The following LIMS1 variants were observed in gnomAD, a reference collection of about 807,000 sequenced individuals.
The protein encoded by LIMS1 is LIM and senescent cell antigen-like-containing domain protein 1.
A neutral mutation model predicts 44.1 loss-of-function variants in LIMS1; 18 were observed. The ratio of observed to expected loss-of-function variants is 0.41; its 90% CI spans 0.28 to 0.61. The LOEUF is 0.61. Among genes scored for constraint, LIMS1 ranks in the 20% least tolerant of loss-of-function variants. LIMS1 has a pLI of 0.32. For synonymous variants in LIMS1, 93 were observed against 149.1 expected (o/e 0.62, Z 2.74); for missense variants, 201 against 422.0 (o/e 0.48, Z 4.59).
At chr2:108,578,405 T>G (rs552512047) in intron 1 of LIMS1, among the ~76,000 whole-genome samples, 1 of 152,264 alleles carries the variant, frequency 6.6e-6, no homozygotes, top group African/African-American at 2.4e-5. Flanking sequence ...AGCACTTATT[T>G]TGAAGTAGTT....
At chr2:108,542,150 T>A (rs1684337316) in intron 1 of LIMS1, among the ~76,000 whole-genome samples, 1 of 152,202 alleles carries the variant, frequency 6.6e-6, no homozygotes, top group South Asian at 2.1e-4. Flanking sequence ...AAACTTTGAG[T>A]AAAACAGGAT....
At chr2:108,569,890 T>C (rs1180928523) in intron 1 of LIMS1, among the ~76,000 whole-genome samples, 2 of 150,578 alleles carry the variant, frequency 1.3e-5, no homozygotes, top group Non-Finnish European at 3.0e-5. Flanking sequence ...CATGAGCCAC[T>C]GTGCTCAGCC....
chr2:108,641,816 A>G (rs779503671), intron 1 of LIMS1, among the ~76,000 whole-genome samples: 1 of 152,148 alleles, frequency 6.6e-6, no homozygotes, highest in Admixed American at 6.5e-5. Flanking sequence ...TTTCTGGCCA[A>G]ACTTTGTCTG....
intron 1 of LIMS1, among the ~76,000 whole-genome samples, chr2:108,560,644 A>G (rs538347118): frequency 2.6e-4 from 40 of 152,092 alleles, no homozygotes; most frequent in Non-Finnish European, 4.4e-4. Flanking sequence ...CACTTAGAAT[A>G]TAAATGTCTC....
intron 1 of LIMS1, among the ~76,000 whole-genome samples, chr2:108,657,519 C>T (rs1276813161): frequency 6.6e-6 from 1 of 152,292 alleles, no homozygotes; most frequent in African/African-American, 2.4e-5. Context: ...TACCTGTGGA[C>T]TTTGGTCAGA....
chr2:108,622,889 T>C (rs145948843), intron 1 of LIMS1, among the ~76,000 whole-genome samples: 1,832 of 151,716 alleles, frequency 0.012, 44 homozygotes, highest in African/African-American at 0.043. Context: ...TTTCAGACAA[T>C]AGCCAAAGTA....
At chr2:108,645,385 G>C (rs1485050819) in intron 1 of LIMS1, among the ~76,000 whole-genome samples, 3 of 152,082 alleles carry the variant, frequency 2.0e-5, no homozygotes, top group Non-Finnish European at 4.4e-5. Context: ...TTCATATCCA[G>C]CCAAACAAAG....
chr2:108,600,715 G>C, intron 1 of LIMS1, among the ~76,000 whole-genome samples: 1 of 152,150 alleles, frequency 6.6e-6, no homozygotes, highest in East Asian at 1.9e-4. Flanking sequence ...TCTCTATTCC[G>C]TTCCATTGGT....
In LIMS1 at chr2:108,683,866, T is replaced by C. The variant is rs776804156; in HGVS notation, c.900-19T>C. Reference sequence around the variant, plus strand: ...ATGTTTCCACTAACTTCTTTTTTTTTATAATTTTTTGTCTTTAGGAATAAG... The same window carrying C: ...ATGTTTCCACTAACTTCTTTTTTTTCATAATTTTTTGTCTTTAGGAATAAG... On this transcript the variant is annotated intron_variant, in intron 9 of 9. Coordinates refer to ENST00000544547, the Ensembl canonical transcript of LIMS1. The C allele has an allele frequency of 1.5e-6, 2 of 1,330,546 alleles. No individual in the cohort carries two copies. The highest frequency in any genetic ancestry group is 2.2e-5 in the Admixed American group (1 of 44,674). The allele number at this position is 1,330,546 out of a possible 1,614,324, so 82.4% of individuals were successfully genotyped here. A position where few individuals can be genotyped will look rare whatever the true frequency, so the allele number is the denominator to read the frequency against.
chr2:108,607,256 G>A (rs1234581122), intron 1 of LIMS1: 5 of 1,550,958 alleles, frequency 3.2e-6, no homozygotes, highest in Non-Finnish European at 4.4e-6. Flanking sequence ...ACATGACATG[G>A]TGAGTGCTGC....
In LIMS1 at chr2:108,560,777, G is replaced by C. The variant is rs72948754; in HGVS notation, c.32+26183G>C. On this transcript the variant is annotated intron_variant, in intron 1 of 9. Coordinates refer to ENST00000544547, the Ensembl canonical transcript of LIMS1. The stretch of plus-strand genomic sequence containing the variant: ...ACCATGGCAAGAGTTTTTCTGTTTT[G>C]TTCATCGTATCCACAACAGCTGGAA... Among the ~76,000 whole-genome samples the C allele has an allele frequency of 4.9e-3, 745 of 152,078 alleles. 7 individuals are homozygous for C. The highest frequency in any genetic ancestry group is 0.014 in the African/African-American group (600 of 41,478).
chr2:108,664,751 T>C (rs1473132376), intron 2 of LIMS1, among the ~76,000 whole-genome samples: 10 of 152,144 alleles, frequency 6.6e-5, no homozygotes, highest in South Asian at 4.1e-4. Context: ...CAGCTCATTA[T>C]AGCAGAAGTT....
intron 2 of LIMS1, among the ~76,000 whole-genome samples, chr2:108,665,108 G>A (rs1490155743): frequency 6.6e-6 from 1 of 152,178 alleles, no homozygotes; most frequent in Non-Finnish European, 1.5e-5. Context: ...TAGGAACTGT[G>A]TTGGATATTC....
Position 108,564,041 on chromosome 2 carries a change from C to CAA in LIMS1, c.32+29467_32+29468dup, listed in dbSNP as rs201454363. Among the ~76,000 whole-genome samples the CAA allele has an allele frequency of 5.0e-3, 456 of 92,004 alleles. 6 individuals carry two copies. Among genetic ancestry groups the CAA allele is most frequent in the East Asian group, 0.024 (77 of 3,248 alleles). The allele number at this position is 92,004 out of a possible 152,430, so 60.4% of individuals were successfully genotyped here. The stretch of plus-strand genomic sequence containing the variant: ...TGGGTGACAGGCCAAGACCCTGTCT[C>CAA]AAAAAAAAAAAAAAAAAAAAAGGAA... On this transcript the variant is annotated intron_variant, in intron 1 of 9. Transcript: ENST00000544547.
At chr2:108,639,443 T>C (rs1689512483) in intron 1 of LIMS1, among the ~76,000 whole-genome samples, 1 of 152,212 alleles carries the variant, frequency 6.6e-6, no homozygotes, top group Admixed American at 6.5e-5. Flanking sequence ...ATATCATATA[T>C]GTGTACATGT....
intron 1 of LIMS1, among the ~76,000 whole-genome samples, chr2:108,579,490 A>G (rs1685806663): frequency 6.6e-6 from 1 of 152,258 alleles, no homozygotes; most frequent in Admixed American, 6.5e-5. Context: ...TAAGTGCACA[A>G]CTTAGGAATT....
intron 8 of LIMS1, chr2:108,678,723 T>A (rs1019387874): frequency 6.6e-6 from 1 of 152,316 alleles, no homozygotes; most frequent in Non-Finnish European, 1.5e-5. Context: ...AGATGCCAGG[T>A]GAAAGAAGCT....
At chr2:108,542,176 A>T (rs1684338017) in intron 1 of LIMS1, among the ~76,000 whole-genome samples, 2 of 152,190 alleles carry the variant, frequency 1.3e-5, no homozygotes, top group African/African-American at 2.4e-5. Flanking sequence ...TCTTTGGTTT[A>T]GCTTGACTCT....
intron 1 of LIMS1, among the ~76,000 whole-genome samples, chr2:108,547,173 G>C (rs1165876548): frequency 6.6e-6 from 1 of 152,202 alleles, no homozygotes; most frequent in Non-Finnish European, 1.5e-5. Context: ...CTTACTGATA[G>C]TGGTGTTAAA....
Sources: gnomAD v4.1 joint callset for allele counts (sites outside exome capture counted in the v4.1 genomes callset) on GRCh38, gnomAD v4.1.1 for gene constraint, MANE v1.5 for transcripts, NCBI Gene and HGNC (gene_info 2026-07-23, HGNC 2026-07-21) for gene names.